The following CYFIP1 variants were observed in gnomAD, a reference collection of about 807,000 sequenced individuals.
CYFIP1 encodes cytoplasmic FMR1-interacting protein 1.
CYFIP1 carries 58 observed loss-of-function variants against 163.5 expected under a neutral mutation model. The observed-to-expected ratio is 0.35, with a 90% CI of 0.29 to 0.44. The LOEUF is 0.44. Among genes scored for constraint, CYFIP1 ranks in the 20% least tolerant of loss-of-function variants. The probability of loss-of-function intolerance (pLI) is 1.00; values close to 1 mark genes in which losing one functional copy is unlikely to be tolerated. For missense variants in CYFIP1, 1,338 were observed against 1,653.8 expected, an observed-to-expected ratio of 0.81 and a Z score of 3.31; for synonymous variants, 663 against 660.7, an observed-to-expected ratio of 1.00 and a Z score of -0.05.
chr15:22,928,362 G>A (rs367826761), intron 11 of CYFIP1, among the ~76,000 whole-genome samples: 7 of 151,930 alleles, frequency 4.6e-5, no homozygotes, highest in East Asian at 3.9e-4. Flanking sequence ...CAGCCTGGGC[G>A]ACAGAGCGAG....
chr15:22,871,500 A>C (rs2059432105), intron 30 of CYFIP1, among the ~76,000 whole-genome samples: 1 of 152,208 alleles, frequency 6.6e-6, no homozygotes, highest in Non-Finnish European at 1.5e-5. Context: ...GGAGCCCCGG[A>C]AATGGAGGAG....
At chr15:22,946,559 T>C in intron 3 of CYFIP1, 1 of 308,896 alleles carries the variant, frequency 3.2e-6, no homozygotes, top group Non-Finnish European at 6.4e-6. Context: ...AAGAACTGCT[T>C]GAACCTGGGA....
intron 1 of CYFIP1, among the ~76,000 whole-genome samples, chr15:22,969,759 G>C (rs887861954): frequency 6.6e-6 from 1 of 152,020 alleles, no homozygotes; most frequent in East Asian, 1.9e-4. Context: ...CTATCCACTA[G>C]AAACAAATTT....
Position 22,892,884 on chromosome 15 carries a change from G to T in CYFIP1, c.2676+6C>A. On this transcript the variant is annotated splice_donor_region_variant and intron_variant, in intron 23 of 30. Transcript: ENST00000617928. ...AAGCTCGTAACACGAACACATTGGA[G>T]CCTACCTTGGATCCATGCAGATACT... 6.2e-7 allele frequency: 1 copy of T among 1,602,530 alleles called. No individual in the cohort carries two copies. The highest frequency in any genetic ancestry group is 8.5e-7 in the Non-Finnish European group (1 of 1,170,008).
At position 22,945,068 on chromosome 15, in the gene CYFIP1, G is replaced by T. The variant is rs532394103; in HGVS notation, c.208-129C>A. On this transcript the variant is annotated intron_variant, in intron 3 of 30. Coordinates refer to ENST00000617928, the MANE Select transcript of CYFIP1 (RefSeq NM_014608.6). The stretch of plus-strand genomic sequence containing the variant: ...CACTGTGGCCTGTGTGCCAAGAGAC[G>T]GCTGCCAGAAGCTAGTGACACTGAG... 7.8e-6 allele frequency: 7 copies of T among 894,690 alleles called. No homozygotes were observed. In the African/African-American group the frequency reaches 8.2e-5, roughly 10 times the overall value. 55.4% of individuals were successfully genotyped at this position (894,690 alleles called of 1,614,324 possible). A position where few individuals can be genotyped will look rare whatever the true frequency, so the allele number is the denominator to read the frequency against.
chr15:22,951,844 A>G (rs1243267536), intron 1 of CYFIP1, among the ~76,000 whole-genome samples: 1 of 152,202 alleles, frequency 6.6e-6, no homozygotes, highest in African/African-American at 2.4e-5. Flanking sequence ...CTCGTGCGTC[A>G]GCTGTGATCC....
At chr15:22,896,039 G>A (rs879442922) in intron 22 of CYFIP1, among the ~76,000 whole-genome samples, 4 of 152,158 alleles carry the variant, frequency 2.6e-5, no homozygotes, top group Non-Finnish European at 5.9e-5. Context: ...TGAAGAGCTG[G>A]GGAGGGTGGA....
At chr15:22,912,434 T>G (rs1191291980) in intron 17 of CYFIP1, 159 bp from the exon 18 acceptor site, 4 of 547,102 alleles carry the variant, frequency 7.3e-6, no homozygotes, top group Non-Finnish European at 1.2e-5. Context: ...AAGCACGTGG[T>G]GGCTGCGCCT....
At chr15:22,979,659 G>A (rs1213878535) in intron 1 of CYFIP1, among the ~76,000 whole-genome samples, 1 of 152,144 alleles carries the variant, frequency 6.6e-6, no homozygotes, top group African/African-American at 2.4e-5. Flanking sequence ...TTAAGCTCAC[G>A]CATTTCAGCC....
At chr15:22,886,223 G>A (rs1327395153) in intron 23 of CYFIP1, among the ~76,000 whole-genome samples, 4 of 152,092 alleles carry the variant, frequency 2.6e-5, no homozygotes, top group Non-Finnish European at 5.9e-5. Context: ...GACTCATGGG[G>A]GTTATGAGGA....
chr15:22,893,499 T>C (rs1354423142), intron 22 of CYFIP1, among the ~76,000 whole-genome samples: 1 of 152,228 alleles, frequency 6.6e-6, no homozygotes, highest in East Asian at 1.9e-4. Context: ...GCTAAGCCTT[T>C]CAAATTGGAA....
In CYFIP1 at chr15:22,963,427, T is replaced by C. The variant is rs185168096; in HGVS notation, c.-6-16136A>G. Among the ~76,000 whole-genome samples the C allele has an allele frequency of 5.2e-3, 785 of 151,814 alleles. 5 individuals carry two copies. The highest frequency in any genetic ancestry group is 0.018 in the African/African-American group (754 of 41,328). On this transcript the variant is annotated intron_variant, in intron 1 of 30. Coordinates refer to ENST00000617928, the MANE Select transcript of CYFIP1 (RefSeq NM_014608.6). Reference sequence around the variant, plus strand: ...ATCGCTTCAATCCAGGAGGTGGAGGTTGCAGTGAGCCAAGACTGTGCCATT... The same window carrying C: ...ATCGCTTCAATCCAGGAGGTGGAGGCTGCAGTGAGCCAAGACTGTGCCATT...
Position 22,867,300 on chromosome 15 carries a change from CTGTT to C in CYFIP1, c.*2724_*2727del, listed in dbSNP as rs959966861. 4.0e-5 allele frequency: 16 copies of C among 398,198 alleles called. No homozygotes were observed. The highest frequency in any genetic ancestry group is 1.3e-4 in the South Asian group (1 of 7,834). 24.7% of individuals were successfully genotyped at this position (398,198 alleles called of 1,614,324 possible). ...TTTACCTTACCTACAAAAGTGGCTC[CTGTT>C]TGTTTGATGATGATTGGTTTTATTT... On this transcript the variant is annotated 3_prime_UTR_variant, in exon 31 of 31. Transcript: ENST00000617928.
chr15:22,980,188 C>G (rs558970310), intron 1 of CYFIP1, 99 bp downstream of exon 1: 1 of 148,846 alleles, frequency 6.7e-6, no homozygotes, highest in South Asian at 2.1e-4. Flanking sequence ...GGGGGGGGTC[C>G]GTCCCGGCCC....
intron 6 of CYFIP1, among the ~76,000 whole-genome samples, chr15:22,942,958 C>T (rs1459664781): frequency 6.6e-6 from 1 of 152,232 alleles, no homozygotes; most frequent in Non-Finnish European, 1.5e-5. Flanking sequence ...AGAGCCTGCT[C>T]TAGCTGTGCA....
intron 1 of CYFIP1, among the ~76,000 whole-genome samples, chr15:22,957,584 C>G (rs999676089): frequency 7.9e-5 from 12 of 152,052 alleles, no homozygotes; most frequent in African/African-American, 2.4e-4. Context: ...TGCAGTGAGC[C>G]GAGATCGTGT....
chr15:22,918,587 A>T, intron 14 of CYFIP1, 105 bp downstream of exon 14: 1 of 1,077,536 alleles, frequency 9.3e-7, no homozygotes, highest in Admixed American at 3.0e-5. Flanking sequence ...GTTGAAGATA[A>T]ATATATTGAA....
intron 3 of CYFIP1, 53 bp downstream of exon 3, chr15:22,946,950 C>T: frequency 1.3e-6 from 2 of 1,498,506 alleles, no homozygotes; most frequent in Non-Finnish European, 1.9e-6. Flanking sequence ...TACATCTGTC[C>T]TTCAAACACG....
chr15:22,912,495 C>G, intron 17 of CYFIP1: 1 of 459,176 alleles, frequency 2.2e-6, no homozygotes, highest in South Asian at 4.5e-5. Context: ...GGACAGCAGA[C>G]GCTCACTGAA....
Sources: gnomAD v4.1 joint callset for allele counts (sites outside exome capture counted in the v4.1 genomes callset) on GRCh38, gnomAD v4.1.1 for gene constraint, MANE v1.5 for transcripts, NCBI Gene and HGNC (gene_info 2026-07-23, HGNC 2026-07-21) for gene names.